The following FANK1 variants were observed in gnomAD, a reference collection of about 807,000 sequenced individuals.
The protein encoded by FANK1 is fibronectin type III and ankyrin repeat domains 1, also known as fibronectin type 3 and ankyrin repeat domains protein 1.
A neutral mutation model predicts 45.3 loss-of-function variants in FANK1; 44 were observed. The observed-to-expected ratio is 0.97, with a 90% CI of 0.76 to 1.25. FANK1 has a LOEUF of 1.25. Ranked by LOEUF, FANK1 falls within the 50% of genes most tolerant of loss-of-function variation. FANK1 has a pLI of 0.00. For synonymous variants in FANK1, 149 were observed against 152.5 expected (o/e 0.98, Z 0.17); for missense variants, 391 against 424.4 (o/e 0.92, Z 0.69).
intron 1 of FANK1, among the ~76,000 whole-genome samples, chr10:125,909,656 C>T (rs1466641589): frequency 2.0e-5 from 3 of 148,506 alleles, no homozygotes; most frequent in South Asian, 4.3e-4. Context: ...GTAGCTGGGA[C>T]GACAGGTGTG....
chr10:125,953,201 C>T (rs995917373), intron 1 of FANK1, among the ~76,000 whole-genome samples: 20 of 152,146 alleles, frequency 1.3e-4, no homozygotes, highest in Non-Finnish European at 2.4e-4. Flanking sequence ...AACCACTTGG[C>T]CCCCCTGCCA....
chr10:125,965,791 G>C (rs142078270), intron 1 of FANK1, among the ~76,000 whole-genome samples: 2,476 of 152,346 alleles, frequency 0.016, 32 homozygotes, highest in South Asian at 0.033. Context: ...AATATCTTGG[G>C]AAGTACATTT....
At chr10:125,966,953 C>T (rs1456265675) in intron 1 of FANK1, among the ~76,000 whole-genome samples, 5 of 152,272 alleles carry the variant, frequency 3.3e-5, no homozygotes, top group South Asian at 2.1e-4. Context: ...CTTCTGTCTG[C>T]GTGCATCTGT....
At chr10:125,933,913 TACTTA>T (rs1221066435) in intron 1 of FANK1, among the ~76,000 whole-genome samples, 2 of 152,330 alleles carry the variant, frequency 1.3e-5, no homozygotes, top group East Asian at 1.9e-4. Context: ...AGGAACAGGT[TACTTA>T]ACTTCCGTGT....
At chr10:125,959,413 CAAAAAAAAAAA>C (rs767754151) in intron 1 of FANK1, among the ~76,000 whole-genome samples, 2 of 74,726 alleles carry the variant, frequency 2.7e-5, no homozygotes, top group East Asian at 8.0e-4. Flanking sequence ...GACTCTGTCT[CAAAAAAAAAAA>C]AAAAAAAAAG....
At chr10:126,002,032 G>A (rs2134226774) in intron 6 of FANK1, among the ~76,000 whole-genome samples, 1 of 152,206 alleles carries the variant, frequency 6.6e-6, no homozygotes, top group Middle Eastern at 3.4e-3. Context: ...ATGCAGATAG[G>A]CTGGGCGTGG....
intron 3 of FANK1, chr10:125,994,981 G>C (rs1370004655): frequency 1.0e-6 from 1 of 973,326 alleles, no homozygotes; most frequent in Non-Finnish European, 1.2e-6. Flanking sequence ...TTCCTGGGAA[G>C]AACTGAAAAT....
At chr10:125,952,385 G>A (rs544355185) in intron 1 of FANK1, among the ~76,000 whole-genome samples, 51 of 152,178 alleles carry the variant, frequency 3.4e-4, no homozygotes, top group African/African-American at 1.0e-3. Flanking sequence ...CAATCCTGCC[G>A]GTTTCTTGCC....
chr10:125,978,729 C>T (rs1951005158), intron 1 of FANK1, among the ~76,000 whole-genome samples: 2 of 152,218 alleles, frequency 1.3e-5, no homozygotes, highest in Non-Finnish European at 2.9e-5. Flanking sequence ...CTGCCCCTCC[C>T]CCTGGGAGCT....
At chr10:125,914,403 A>G (rs1240243334) in intron 1 of FANK1, among the ~76,000 whole-genome samples, 1 of 152,040 alleles carries the variant, frequency 6.6e-6, no homozygotes, top group Admixed American at 6.5e-5. Flanking sequence ...TGTCACCAGC[A>G]TGTTTGCAGG....
chr10:126,005,674 A>G (rs1422928782), intron 7 of FANK1, among the ~76,000 whole-genome samples: 1 of 152,188 alleles, frequency 6.6e-6, no homozygotes, highest in African/African-American at 2.4e-5. Context: ...CCAAAGCTTT[A>G]CTAAGCATGT....
chr10:125,950,219 G>T (rs907278449), intron 1 of FANK1, among the ~76,000 whole-genome samples: 2 of 151,320 alleles, frequency 1.3e-5, no homozygotes, highest in Non-Finnish European at 3.0e-5. Flanking sequence ...AGGACTTCAT[G>T]TCCAAAACAC....
At chr10:125,914,093 T>C (rs1007246607) in intron 1 of FANK1, among the ~76,000 whole-genome samples, 14 of 152,108 alleles carry the variant, frequency 9.2e-5, no homozygotes, top group Non-Finnish European at 1.9e-4. Flanking sequence ...ATTAGAACTC[T>C]TCTAAACTTT....
chr10:125,915,021 G>A (rs1232143882), intron 1 of FANK1, among the ~76,000 whole-genome samples: 2 of 152,188 alleles, frequency 1.3e-5, no homozygotes, highest in African/African-American at 2.4e-5. Context: ...CCTATTCCTT[G>A]AGGCTGGTCA....
At chr10:126,009,167 G>C in intron 9 of FANK1, 36 bp downstream of exon 9, 1 of 1,614,048 alleles carries the variant, frequency 6.2e-7, no homozygotes, top group East Asian at 2.2e-5. Context: ...GATTTTCCTC[G>C]GAGGGGGAGA....
At chr10:125,944,720 A>G (rs1216143251) in intron 1 of FANK1, among the ~76,000 whole-genome samples, 1 of 152,242 alleles carries the variant, frequency 6.6e-6, no homozygotes, top group Non-Finnish European at 1.5e-5. Flanking sequence ...CCTTAAGGAC[A>G]TGCTCCTGCT....
chr10:125,911,048 A>AC (rs1179792185), intron 1 of FANK1, among the ~76,000 whole-genome samples: 14 of 151,918 alleles, frequency 9.2e-5, no homozygotes, highest in East Asian at 3.9e-4. Flanking sequence ...AAAAAAAAAA[A>AC]AGATGTCCAC....
chr10:125,961,789 T>C (rs1334007144), intron 1 of FANK1, among the ~76,000 whole-genome samples: 1 of 152,074 alleles, frequency 6.6e-6, no homozygotes, highest in Non-Finnish European at 1.5e-5. Flanking sequence ...TTTCAAAAAA[T>C]AAAAGTTAGC....
At chr10:126,001,352 A>G (rs1311572745) in intron 6 of FANK1, among the ~76,000 whole-genome samples, 2 of 152,262 alleles carry the variant, frequency 1.3e-5, no homozygotes, top group Admixed American at 1.3e-4. Flanking sequence ...AGTATATGAA[A>G]TAATAAGAAA....
Sources: allele counts gnomAD v4.1 joint callset (sites outside exome capture counted in the v4.1 genomes callset), GRCh38; gene constraint gnomAD v4.1.1; transcripts MANE v1.5; gene names NCBI Gene and HGNC (gene_info 2026-07-23, HGNC 2026-07-21).